Variants in NLGN4X observed in about 807,000 individuals in gnomAD.
The protein encoded by NLGN4X is neuroligin 4 X-linked, also known as neuroligin-4, X-linked.
A neutral mutation model predicts 40.3 loss-of-function variants in NLGN4X; 3 were observed. The ratio of observed to expected loss-of-function variants is 0.07; its 90% CI spans 0.03 to 0.19. The LOEUF (loss-of-function observed/expected upper bound fraction) is 0.19. NLGN4X is among the 10% of genes least tolerant of loss of function. NLGN4X has a pLI of 1.00. For synonymous variants in NLGN4X, 270 were observed against 306.8 expected (o/e 0.88, Z 1.25); for missense variants, 382 against 708.3 (o/e 0.54, Z 5.23).
intron 1 of NLGN4X, among the ~76,000 whole-genome samples, chrX:6,159,555 G>A (rs1190121311): frequency 1.8e-5 from 2 of 111,773 alleles, no homozygotes; most frequent in Non-Finnish European, 3.8e-5. Flanking sequence ...TATGCGACAA[G>A]CCCAAGGCAA....
chrX:6,054,193 A>C (rs1430111499), intron 2 of NLGN4X, among the ~76,000 whole-genome samples: 1 of 110,194 alleles, frequency 9.1e-6, no homozygotes, highest in Non-Finnish European at 1.9e-5. Flanking sequence ...TTGCAGGAAT[A>C]ACATTAGCTA....
intron 3 of NLGN4X, among the ~76,000 whole-genome samples, chrX:5,969,820 T>C (rs1227917915): frequency 9.0e-6 from 1 of 110,601 alleles, no homozygotes; most frequent in African/African-American, 3.3e-5. Context: ...GTGGCACATA[T>C]ACACCATGGA....
chrX:6,047,176 G>A (rs775575570), intron 2 of NLGN4X, among the ~76,000 whole-genome samples: 1 of 111,175 alleles, frequency 9.0e-6, no homozygotes, highest in African/African-American at 3.3e-5. Context: ...TCGTGACAGT[G>A]AACCAGTAGT....
At chrX:5,930,222 C>G (rs186026946) in intron 3 of NLGN4X, among the ~76,000 whole-genome samples, 2 of 112,418 alleles carry the variant, frequency 1.8e-5, no homozygotes, top group Admixed American at 9.4e-5. Flanking sequence ...TAATTCTTAG[C>G]CCTATATAGG....
chrX:6,016,524 G>A (rs1241789426), intron 3 of NLGN4X, among the ~76,000 whole-genome samples: 1 of 112,206 alleles, frequency 8.9e-6, no homozygotes, highest in South Asian at 3.7e-4. Context: ...TGGTGAAAAT[G>A]TAAAATGGTA....
intron 1 of NLGN4X, among the ~76,000 whole-genome samples, chrX:6,214,241 C>T (rs1048693810): frequency 9.0e-6 from 1 of 111,685 alleles, no homozygotes; most frequent in Non-Finnish European, 1.9e-5. Context: ...AGTCCTTATT[C>T]TGCCCTTCGT....
Position 6,173,751 on chromosome X carries a change from T to C in NLGN4X, c.-305-21980A>G, listed in dbSNP as rs763481299. On this transcript the variant is annotated intron_variant, in intron 1 of 5. Transcript: ENST00000381095. ...TTAGCATAAAAACTGAGTTTCCAAA[T>C]AACCCCATTAAAAACTGTGCCAAGG... Among the ~76,000 whole-genome samples the C allele has an allele frequency of 8.0e-5, 9 of 111,893 alleles. No individual in the cohort carries two copies. In the South Asian group the frequency reaches 1.1e-3, roughly 14 times the overall value.
At chrX:6,153,174 T>G (rs1453720127) in intron 1 of NLGN4X, among the ~76,000 whole-genome samples, 1 of 112,124 alleles carries the variant, frequency 8.9e-6, no homozygotes, top group African/African-American at 3.2e-5. Context: ...CCATTTCATT[T>G]AAGTAATCAG....
intron 3 of NLGN4X, among the ~76,000 whole-genome samples, chrX:6,013,781 C>T (rs913975162): frequency 9.1e-6 from 1 of 110,465 alleles, no homozygotes; most frequent in Non-Finnish European, 1.9e-5. Context: ...TCAATTGACC[C>T]AAGAGGCTGG....
At position 6,154,277 on chromosome X, in the gene NLGN4X, T is replaced by C. The variant is rs559732881; in HGVS notation, c.-305-2506A>G. Among the ~76,000 whole-genome samples the C allele has an allele frequency of 2.7e-5, 3 of 112,374 alleles. No homozygotes were observed. In the Admixed American group the frequency reaches 2.8e-4, roughly 11 times the overall value. On this transcript the variant is annotated intron_variant, in intron 1 of 5. Coordinates refer to ENST00000381095, the MANE Select transcript of NLGN4X (RefSeq NM_181332.3). ...GCATCAAGTATAAAATTATAGTGGC[T>C]GTGTAAATGATTAAGTATCTGTAGG...
chrX:5,892,941 G>T lies in NLGN4X; in HGVS notation c.2327C>A (p.Pro776Gln), dbSNP rs2031261826. 1 of 1,211,636 alleles carries T rather than the reference G, an allele frequency of 8.3e-7. No homozygotes were observed. Among genetic ancestry groups the T allele is most frequent in the Admixed American group, 2.2e-5 (1 of 46,013 alleles). The change falls in exon 6 of 6, where the codon CCA becomes CAA. Residue 776 changes from proline (P) to glutamine (Q), a missense_variant. By Grantham distance (76) the Pro-to-Gln change is moderately conservative. This residue lies in a region of NLGN4X where 57 missense variants were observed against 65.6 expected (regional missense o/e 0.87). Coordinates refer to ENST00000381095, the MANE Select transcript of NLGN4X (RefSeq NM_181332.3). ...GTTTGGAATCATGGTGATGGTGTTT[G>T]GCGTCATAAGTGGGATGTCATCTGG... is the stretch of plus-strand genomic sequence containing the variant. ...RSPDDIPLMTPNTITMIPNTL... is the reference protein window; with the variant it reads ...RSPDDIPLMTQNTITMIPNTL...
At chrX:6,139,837 A>G (rs149079373) in intron 2 of NLGN4X, among the ~76,000 whole-genome samples, 232 of 111,923 alleles carry the variant, frequency 2.1e-3, no homozygotes, top group African/African-American at 7.3e-3. Flanking sequence ...GATTGCAAAT[A>G]ATGATTTATT....
chrX:6,034,669 G>C (rs1602104034), intron 2 of NLGN4X, among the ~76,000 whole-genome samples: 2 of 107,012 alleles, frequency 1.9e-5, no homozygotes. Context: ...ATCCTTTTTT[G>C]TTATAACCAT....
intron 3 of NLGN4X, among the ~76,000 whole-genome samples, chrX:5,925,887 T>TATATATATATATACATACAC (rs2033276820): frequency 1.5e-4 from 1 of 6,790 alleles, no homozygotes; most frequent in African/African-American, 1.7e-3. Context: ...CACACATATA[T>TATATATATATATACATACAC]ATATATATAT....
At chrX:6,134,697 C>G (rs765205112) in intron 2 of NLGN4X, among the ~76,000 whole-genome samples, 38 of 112,468 alleles carry the variant, frequency 3.4e-4, no homozygotes, top group Non-Finnish European at 6.8e-4. Context: ...TCCAATGACA[C>G]TTAATGTCGT....
At chrX:6,042,109 C>T (rs2037174420) in intron 2 of NLGN4X, among the ~76,000 whole-genome samples, 1 of 112,079 alleles carries the variant, frequency 8.9e-6, no homozygotes, top group African/African-American at 3.2e-5. Flanking sequence ...TAATTTTCTA[C>T]TAGCTCAAAA....
At chrX:5,990,976 T>C (rs1411835521) in intron 3 of NLGN4X, among the ~76,000 whole-genome samples, 1 of 110,143 alleles carries the variant, frequency 9.1e-6, no homozygotes, top group African/African-American at 3.5e-5. Context: ...TACCAGCACA[T>C]GCGTGTGTGC....
At chrX:6,125,993 T>C (rs2039534723) in intron 2 of NLGN4X, among the ~76,000 whole-genome samples, 1 of 68,971 alleles carries the variant, frequency 1.4e-5, no homozygotes, top group Admixed American at 1.3e-4. Context: ...TTTAAAAATG[T>C]TTCTTTTAAG....
At chrX:6,203,205 CAA>C (rs1923771198) in intron 1 of NLGN4X, among the ~76,000 whole-genome samples, 1 of 112,570 alleles carries the variant, frequency 8.9e-6, no homozygotes, top group Non-Finnish European at 1.9e-5. Context: ...TTTCATCACC[CAA>C]ACTCAACATG....
Sources: allele counts gnomAD v4.1 joint callset (sites outside exome capture counted in the v4.1 genomes callset), GRCh38; gene constraint gnomAD v4.1.1; regional missense constraint gnomAD v4.1.1; transcripts MANE v1.5; gene names NCBI Gene and HGNC (gene_info 2026-07-23, HGNC 2026-07-21).